Variants in PHF20L1 observed in about 807,000 individuals in gnomAD.
PHF20L1 encodes PHD finger protein 20 like 1.
A neutral mutation model predicts 125.5 loss-of-function variants in PHF20L1; 44 were observed. That is an observed-to-expected ratio of 0.35 (90% CI 0.28 to 0.45). The LOEUF (loss-of-function observed/expected upper bound fraction) is 0.45, where lower values mean the gene tolerates loss of function less well. Ranked by LOEUF, PHF20L1 falls within the 20% of genes least tolerant of loss-of-function variation. PHF20L1 has a pLI of 1.00. For missense variants in PHF20L1, 1,012 were observed against 1,217.2 expected (o/e 0.83, Z 2.51); for synonymous variants, 380 against 403.1 (o/e 0.94, Z 0.69).
At position 132,842,710 on chromosome 8, in the gene PHF20L1, T is replaced by G. The variant is rs768791564; in HGVS notation, c.2583T>G (p.His861Gln). Residue 861 changes from histidine to glutamine, a missense_variant, in exon 19 of 21, where the codon CAT becomes CAG. By Grantham distance (24) the His-to-Gln change is conservative (BLOSUM62 0). Coordinates refer to ENST00000395386, the MANE Select transcript of PHF20L1 (RefSeq NM_016018.5). ...AAGGAACTTATATAACAAGTGAGCA[T>G]AGCTATCAAAAGCCACAAAGTTTTG... The part of the protein sequence containing the change: ...KMEGTYITSE[H>Q]SYQKPQSFGQ... 5 of 1,613,248 alleles carry G rather than the reference T, an allele frequency of 3.1e-6. No individual in the cohort carries two copies.
chr8:132,810,447 T>A (rs1834250463), intron 8 of PHF20L1: 1 of 145,994 alleles, frequency 6.8e-6, no homozygotes, highest in Non-Finnish European at 1.5e-5. Flanking sequence ...TGAACTATAA[T>A]ATTAAGTTCA....
chr8:132,801,416 T>G (rs1280558801), intron 6 of PHF20L1, among the ~76,000 whole-genome samples: 1 of 151,774 alleles, frequency 6.6e-6, no homozygotes, highest in Non-Finnish European at 1.5e-5. Flanking sequence ...ACTCATTCTG[T>G]GCGAAGTGAT....
At chr8:132,836,256 CATCAGCCT>C (rs1837348236) in intron 15 of PHF20L1, 1 of 223,708 alleles carries the variant, frequency 4.5e-6, no homozygotes, top group African/African-American at 2.3e-5. Context: ...AATTTATTGA[CATCAGCCT>C]TAGCCATAAA....
chr8:132,792,048 T>G (rs1453809305), intron 2 of PHF20L1, among the ~76,000 whole-genome samples: 1 of 152,246 alleles, frequency 6.6e-6, no homozygotes, highest in Non-Finnish European at 1.5e-5. Flanking sequence ...CTGTGGACTA[T>G]TCTCACTTTG....
intron 12 of PHF20L1, chr8:132,818,606 A>T (rs895948315): frequency 2.0e-4 from 31 of 151,262 alleles, no homozygotes; most frequent in Non-Finnish European, 1.5e-5. Flanking sequence ...AAAATAAAAC[A>T]ATACCCAAAT....
At chr8:132,842,253 AAAAG>A (rs1296510524) in intron 18 of PHF20L1, 1 of 299,044 alleles carries the variant, frequency 3.3e-6, no homozygotes, top group African/African-American at 2.2e-5. Context: ...AATCAGTAGA[AAAAG>A]AAATGCATGT....
At chr8:132,821,865 A>G (rs1563830733) in intron 12 of PHF20L1, among the ~76,000 whole-genome samples, 1 of 151,876 alleles carries the variant, frequency 6.6e-6, no homozygotes, top group Non-Finnish European at 1.5e-5. Context: ...TGTTGCTAAA[A>G]TTTAGTTTAA....
chr8:132,790,397 C>T lies in PHF20L1; in HGVS notation c.84-4013C>T, dbSNP rs75994545. 2.3e-4 allele frequency among the ~76,000 whole-genome samples: 35 copies of T among 152,256 alleles called. No individual in the cohort carries two copies. In the East Asian group the frequency reaches 2.3e-3, roughly 10 times the overall value. ...GGGTATTGCAAAGATCTCGATATTACGATTTTTTTCCTCTCGCAGTGTAAC... is the reference window on the plus strand; with the variant it reads ...GGGTATTGCAAAGATCTCGATATTATGATTTTTTTCCTCTCGCAGTGTAAC... On this transcript the variant is annotated intron_variant, in intron 2 of 20. Transcript: ENST00000395386.
chr8:132,787,343 G>A (rs978979734), intron 2 of PHF20L1, among the ~76,000 whole-genome samples: 2 of 152,006 alleles, frequency 1.3e-5, no homozygotes, highest in Non-Finnish European at 1.5e-5. Flanking sequence ...CCTGCCACAA[G>A]GTTCTAAAAG....
intron 7 of PHF20L1, among the ~76,000 whole-genome samples, 169 bp downstream of exon 7, chr8:132,804,201 A>G (rs914207366): frequency 2.0e-5 from 3 of 151,950 alleles, no homozygotes; most frequent in African/African-American, 4.8e-5. Context: ...TAGACCTGAA[A>G]CTTAATAGTC....
intron 2 of PHF20L1, among the ~76,000 whole-genome samples, chr8:132,785,985 A>T (rs1276958589): frequency 6.6e-6 from 1 of 152,138 alleles, no homozygotes; most frequent in Non-Finnish European, 1.5e-5. Flanking sequence ...TTTAAAAAGG[A>T]TGAATGAAGA....
At chr8:132,837,356 A>C (rs1304505076) in intron 16 of PHF20L1, among the ~76,000 whole-genome samples, 1 of 152,100 alleles carries the variant, frequency 6.6e-6, no homozygotes, top group Non-Finnish European at 1.5e-5. Flanking sequence ...TGGTATAGAC[A>C]CTGCTACCAA....
chr8:132,812,668 A>C, intron 9 of PHF20L1: 1 of 985,168 alleles, frequency 1.0e-6, no homozygotes, highest in Non-Finnish European at 1.2e-6. Context: ...TTTGTGAACA[A>C]ACACTTATTT....
Position 132,839,580 on chromosome 8 carries a change from A to C in PHF20L1, c.2385A>C (p.Leu795=). Residue 795 remains leucine (L), a splice_region_variant and synonymous_variant, in exon 18 of 21, where the codon CTA becomes CTC. Transcript: ENST00000395386. ...GGCTACAGCTGAAGATTGGAATACT[A>C]AAGTAAGTGAAGGGCAGCAAAGGGA... is the stretch of plus-strand genomic sequence containing the variant. ...LHGLQLKIGI[L]KNKHHPDLHL... 6.2e-7 allele frequency: 1 copy of C among 1,609,296 alleles called. No homozygotes were observed. The highest frequency in any genetic ancestry group is 1.1e-5 in the South Asian group (1 of 90,940).
intron 2 of PHF20L1, among the ~76,000 whole-genome samples, chr8:132,792,352 A>G (rs1318407684): frequency 1.3e-5 from 2 of 152,238 alleles, no homozygotes; most frequent in African/African-American, 4.8e-5. Flanking sequence ...AAACAAAACC[A>G]GAGCAACACT....
At chr8:132,803,637 T>C (rs1833351121) in intron 6 of PHF20L1, 182 bp from the exon 7 acceptor site, 2 of 553,132 alleles carry the variant, frequency 3.6e-6, no homozygotes, top group African/African-American at 1.9e-5. Flanking sequence ...TCTAACTCAT[T>C]TGATTATTAA....
intron 15 of PHF20L1, among the ~76,000 whole-genome samples, chr8:132,832,892 T>G (rs1408468484): frequency 6.6e-6 from 1 of 152,120 alleles, no homozygotes; most frequent in African/African-American, 2.4e-5. Flanking sequence ...TGAGATGTAG[T>G]CAGACAACTG....
At chr8:132,831,713 G>A (rs1836800607) in intron 14 of PHF20L1, among the ~76,000 whole-genome samples, 1 of 151,806 alleles carries the variant, frequency 6.6e-6, no homozygotes, top group Non-Finnish European at 1.5e-5. Context: ...AATAAGTTCT[G>A]GGGTACATGT....
intron 14 of PHF20L1, among the ~76,000 whole-genome samples, chr8:132,831,808 C>A (rs1455304013): frequency 6.6e-6 from 1 of 151,990 alleles, no homozygotes; most frequent in Non-Finnish European, 1.5e-5. Context: ...GGTGTTAAGC[C>A]CAGCACGCAT....
Sources: gnomAD v4.1 joint callset for allele counts (sites outside exome capture counted in the v4.1 genomes callset) on GRCh38, gnomAD v4.1.1 for gene constraint, MANE v1.5 for transcripts, NCBI Gene and HGNC (gene_info 2026-07-23, HGNC 2026-07-21) for gene names.